The following RAD51B variants were observed in gnomAD, a reference collection of about 807,000 sequenced individuals.
RAD51B encodes the protein RAD51 paralog B.
Under a neutral mutation model 42.2 loss-of-function variants are expected in RAD51B, and 38 were observed. The observed-to-expected ratio is 0.90, with a 90% CI of 0.70 to 1.18. The LOEUF (loss-of-function observed/expected upper bound fraction) is 1.18. Among genes scored for constraint, RAD51B ranks in the 50% most tolerant of loss-of-function variants. The probability of loss-of-function intolerance (pLI) is 0.00; values close to 1 mark genes in which losing one functional copy is unlikely to be tolerated. For synonymous variants in RAD51B, 154 were observed against 145.2 expected (o/e 1.06, Z -0.43); for missense variants, 373 against 400.7 (o/e 0.93, Z 0.59).
At chr14:68,398,434 C>T (rs2083989779) in intron 8 of RAD51B, among the ~76,000 whole-genome samples, 1 of 152,048 alleles carries the variant, frequency 6.6e-6, no homozygotes, top group Non-Finnish European at 1.5e-5. Flanking sequence ...GAAAGCTGAC[C>T]CTTGTTTGGT....
intron 10 of RAD51B, among the ~76,000 whole-genome samples, chr14:68,488,872 A>G (rs2842317): frequency 1 from 152,028 of 152,364 alleles, 75,847 homozygotes; most frequent in East Asian, 1. Context: ...TGGGATGCTG[A>G]CCTCATGTTG....
intron 7 of RAD51B, among the ~76,000 whole-genome samples, chr14:68,144,663 TATAAAAGGAACTCC>T (rs1436038385): frequency 6.6e-6 from 1 of 152,210 alleles, no homozygotes; most frequent in African/African-American, 2.4e-5. Flanking sequence ...TTTCTGTTTA[TATAAAAGGAACTCC>T]ATATCCTCTT....
intron 10 of RAD51B, among the ~76,000 whole-genome samples, chr14:68,527,933 C>T (rs1195626669): frequency 6.6e-6 from 1 of 152,174 alleles, no homozygotes; most frequent in Non-Finnish European, 1.5e-5. Flanking sequence ...CTTCTTTATA[C>T]TCTTTCAAAT....
chr14:68,234,205 T>G (rs1595583351), intron 7 of RAD51B, among the ~76,000 whole-genome samples: 1 of 152,174 alleles, frequency 6.6e-6, no homozygotes, highest in Admixed American at 6.5e-5. Context: ...CTCAGATGTC[T>G]GGATGGGTCA....
chr14:68,533,095 G>GA (rs923236720), intron 10 of RAD51B, among the ~76,000 whole-genome samples: 1 of 151,822 alleles, frequency 6.6e-6, no homozygotes, highest in African/African-American at 2.4e-5. Flanking sequence ...TATAAGAATT[G>GA]AAAAAAAAAC....
At chr14:67,941,527 A>G (rs1037566970) in intron 7 of RAD51B, among the ~76,000 whole-genome samples, 5 of 152,186 alleles carry the variant, frequency 3.3e-5, no homozygotes, top group African/African-American at 1.2e-4. Flanking sequence ...CTCTGCCACA[A>G]GCATTCTAAG....
chr14:68,134,899 G>C (rs2077976778), intron 7 of RAD51B, among the ~76,000 whole-genome samples: 1 of 151,412 alleles, frequency 6.6e-6, no homozygotes, highest in African/African-American at 2.4e-5. Flanking sequence ...CCTGTTAACA[G>C]GGTTTTTGCA....
At chr14:68,307,195 C>T (rs889764670) in intron 8 of RAD51B, among the ~76,000 whole-genome samples, 7 of 152,114 alleles carry the variant, frequency 4.6e-5, no homozygotes, top group African/African-American at 1.7e-4. Context: ...TCCACACACT[C>T]TCCAGTGTGG....
At chr14:68,362,805 T>C (rs1964854) in intron 8 of RAD51B, among the ~76,000 whole-genome samples, 123,275 of 151,736 alleles carry the variant, frequency 0.81, 50,231 homozygotes, top group East Asian at 0.99. Flanking sequence ...GCTGAGATTG[T>C]GCCGCTGCAC....
At chr14:68,234,606 A>G (rs1490887501) in intron 7 of RAD51B, among the ~76,000 whole-genome samples, 1 of 152,226 alleles carries the variant, frequency 6.6e-6, no homozygotes, top group Non-Finnish European at 1.5e-5. Flanking sequence ...CACAATGGCA[A>G]GTGTTTGTGT....
At chr14:67,866,789 T>C (rs980535503) in intron 5 of RAD51B, among the ~76,000 whole-genome samples, 3 of 152,242 alleles carry the variant, frequency 2.0e-5, no homozygotes, top group Non-Finnish European at 4.4e-5. Context: ...AATTATTTAC[T>C]TTTTGAATCC....
At chr14:68,510,620 A>T (rs2140312707) in intron 10 of RAD51B, among the ~76,000 whole-genome samples, 1 of 152,324 alleles carries the variant, frequency 6.6e-6, no homozygotes, top group South Asian at 2.1e-4. Flanking sequence ...AAATCCTTTC[A>T]TCAGCCATCA....
intron 5 of RAD51B, among the ~76,000 whole-genome samples, chr14:67,874,395 T>G (rs552947331): frequency 6.6e-6 from 1 of 151,086 alleles, no homozygotes; most frequent in South Asian, 2.1e-4. Flanking sequence ...TCATAAACTT[T>G]CTTAAAGCGT....
intron 10 of RAD51B, among the ~76,000 whole-genome samples, chr14:68,572,930 C>T (rs1264056348): frequency 3.9e-5 from 6 of 152,138 alleles, no homozygotes; most frequent in Non-Finnish European, 8.8e-5. Flanking sequence ...GGTAGTAGCC[C>T]ATCTTACGCG....
At chr14:67,829,373 G>T (rs943818863) in intron 3 of RAD51B, among the ~76,000 whole-genome samples, 3 of 151,986 alleles carry the variant, frequency 2.0e-5, no homozygotes, top group Middle Eastern at 3.2e-3. Context: ...CTCCCAAGTA[G>T]CTGGGACTAC....
chr14:68,102,588 A>C (rs1302970729), intron 7 of RAD51B, among the ~76,000 whole-genome samples: 1 of 152,216 alleles, frequency 6.6e-6, no homozygotes, highest in Non-Finnish European at 1.5e-5. Context: ...TTTTGGTCAA[A>C]GCCATTCAAC....
At position 68,292,000 on chromosome 14, in the gene RAD51B, G is replaced by A. The variant is rs577157783; in HGVS notation, c.853+20G>A. On this transcript the variant is annotated intron_variant, in intron 8 of 10. Coordinates refer to ENST00000471583, the MANE Select transcript of RAD51B (RefSeq NM_133510.4). ...CTGAAGGTAAGGAATCTGTCCTGGAGAGGCTGAAACTTGACACTGACATAG... is the reference window on the plus strand; with the variant it reads ...CTGAAGGTAAGGAATCTGTCCTGGAAAGGCTGAAACTTGACACTGACATAG... 25 of 1,591,534 alleles carry A rather than the reference G, an allele frequency of 1.6e-5. No individual in the cohort carries two copies. In the South Asian group the frequency reaches 2.6e-4, roughly 17 times the overall value.
At chr14:68,415,520 C>G (rs905448154) in intron 9 of RAD51B, among the ~76,000 whole-genome samples, 3 of 152,190 alleles carry the variant, frequency 2.0e-5, no homozygotes, top group African/African-American at 7.2e-5. Flanking sequence ...TGTTCACAGT[C>G]TACTTGAGGA....
chr14:68,447,475 C>T (rs2085447346), intron 9 of RAD51B, among the ~76,000 whole-genome samples: 1 of 92,488 alleles, frequency 1.1e-5, no homozygotes, highest in Non-Finnish European at 2.1e-5. Flanking sequence ...TATTCACCTC[C>T]ACCACAGTAG....
Sources: allele counts gnomAD v4.1 joint callset (sites outside exome capture counted in the v4.1 genomes callset), GRCh38; gene constraint gnomAD v4.1.1; transcripts MANE v1.5; gene names NCBI Gene and HGNC (gene_info 2026-07-23, HGNC 2026-07-21).